DNAH3: variants seen among roughly 807,000 people sequenced by gnomAD.
The protein encoded by DNAH3 is dynein axonemal heavy chain 3.
A neutral mutation model predicts 432.5 loss-of-function variants in DNAH3; 332 were observed. That is an observed-to-expected ratio of 0.77 (90% CI 0.70 to 0.84). DNAH3 has a LOEUF of 0.84. Ranked by LOEUF, DNAH3 falls within the 40% of genes least tolerant of loss-of-function variation. DNAH3 has a pLI of 0.00. For synonymous variants in DNAH3, 1,956 were observed against 1,900.2 expected, an observed-to-expected ratio of 1.03 and a Z score of -0.76; for missense variants, 4,861 against 5,114.0, an observed-to-expected ratio of 0.95 and a Z score of 1.51.
chr16:21,117,164 A>T, intron 12 of DNAH3, 39 bp downstream of exon 12: 1 of 1,435,382 alleles, frequency 7.0e-7, no homozygotes, highest in South Asian at 1.2e-5. Flanking sequence ...AATCAATCCC[A>T]AAAAGCTACA....
chr16:20,944,643 C>T (rs146213977), exon 58 of DNAH3: 75 of 1,613,854 alleles, frequency 4.6e-5, no homozygotes, highest in Non-Finnish European at 6.3e-5. Flanking sequence ...TGGGGAGATT[C>T]CTGAGATAGT....
At chr16:21,152,746 C>T (rs1352558674) in intron 1 of DNAH3, among the ~76,000 whole-genome samples, 1 of 152,234 alleles carries the variant, frequency 6.6e-6, no homozygotes, top group African/African-American at 2.4e-5. Flanking sequence ...CCCCGGCCAG[C>T]GGCTGCGGAG....
chr16:20,987,235 A>G (rs2086240724), intron 47 of DNAH3, 70 bp downstream of exon 47: 2 of 1,580,622 alleles, frequency 1.3e-6, no homozygotes, highest in Non-Finnish European at 8.6e-7. Flanking sequence ...GGGAACCTGA[A>G]ATCTGAAAGT....
chr16:20,979,333 A>G, exon 50 of DNAH3: 1 of 1,613,840 alleles, frequency 6.2e-7, no homozygotes, highest in Non-Finnish European at 8.5e-7. Flanking sequence ...TGCTCACCTG[A>G]GAAGCTGCAA....
At chr16:20,985,848 AGTTTTGTTTTGTTTC>A (rs2086166212) in intron 47 of DNAH3, 133 bp from the exon 48 acceptor site, 4 of 933,358 alleles carry the variant, frequency 4.3e-6, no homozygotes, top group African/African-American at 1.7e-5. Context: ...ATGGGTCATC[AGTTTTGTTTTGTTTC>A]GTTTTGTTTT....
chr16:21,036,959 G>A, intron 34 of DNAH3, 111 bp from the exon 35 acceptor site: 1 of 872,560 alleles, frequency 1.1e-6, no homozygotes, highest in Non-Finnish European at 1.7e-6. Flanking sequence ...AAAAATTCCA[G>A]ACCTTATTTT....
intron 2 of DNAH3, 93 bp from the exon 4 acceptor site, chr16:21,145,499 G>T: frequency 9.1e-7 from 1 of 1,104,268 alleles, no homozygotes; most frequent in African/African-American, 1.5e-5. Context: ...AGAGTTCCAA[G>T]TGCCTTATGC....
chr16:21,097,859 A>G (rs2091729446), intron 17 of DNAH3, among the ~76,000 whole-genome samples: 1 of 152,184 alleles, frequency 6.6e-6, no homozygotes, highest in Non-Finnish European at 1.5e-5. Context: ...AAGAATTTTA[A>G]TGGTTATTAA....
chr16:21,127,874 A>G (rs910777018), intron 7 of DNAH3, 62 bp from the exon 9 acceptor site: 1 of 1,596,420 alleles, frequency 6.3e-7, no homozygotes, highest in African/African-American at 1.3e-5. Context: ...ATCCCGCAGG[A>G]CAGGTTCCAA....
chr16:20,969,837 T>G, exon 52 of DNAH3: 3 of 1,614,192 alleles, frequency 1.9e-6, no homozygotes, highest in Non-Finnish European at 2.5e-6. Flanking sequence ...ATCCCTTTCA[T>G]GATGCAGATG....
chr16:21,060,306 A>G (rs770429801), exon 26 of DNAH3: 38 of 1,613,896 alleles, frequency 2.4e-5, no homozygotes, highest in Non-Finnish European at 3.1e-5. Context: ...CTTCTCGCAT[A>G]CTGGCCAGCA....
At chr16:21,005,302 C>T (rs1431747342) in intron 41 of DNAH3, among the ~76,000 whole-genome samples, 1 of 146,840 alleles carries the variant, frequency 6.8e-6, no homozygotes, top group Non-Finnish European at 1.5e-5. Context: ...TTCCCTCCTT[C>T]CCTCCTTCCC....
exon 49 of DNAH3, chr16:20,982,753 C>T: frequency 6.2e-7 from 1 of 1,614,172 alleles, no homozygotes; most frequent in Non-Finnish European, 8.5e-7. Context: ...GCTCCACATC[C>T]TCTAGAAATT....
At chr16:20,945,481 T>C (rs1345609518) in intron 57 of DNAH3, among the ~76,000 whole-genome samples, 1 of 151,560 alleles carries the variant, frequency 6.6e-6, no homozygotes, top group Non-Finnish European at 1.5e-5. Flanking sequence ...GAAGTAGCCA[T>C]TCTTTATTCC....
chr16:21,153,612 C>G (rs951347330), intron 1 of DNAH3, among the ~76,000 whole-genome samples: 1 of 152,136 alleles, frequency 6.6e-6, no homozygotes, highest in Non-Finnish European at 1.5e-5. Flanking sequence ...GGGTTCATGC[C>G]GCCTTAATAG....
At chr16:21,007,276 C>G (rs949921290) in intron 41 of DNAH3, among the ~76,000 whole-genome samples, 71 of 142,608 alleles carry the variant, frequency 5.0e-4, no homozygotes, top group African/African-American at 1.7e-3. Context: ...GTGGTATGAT[C>G]TTGGCCACTG....
exon 53 of DNAH3, chr16:20,964,429 A>G (rs1225055854): frequency 6.2e-7 from 1 of 1,613,854 alleles, no homozygotes; most frequent in Admixed American, 1.7e-5. Context: ...CATGTACTCA[A>G]CTCCTTGCTG....
Position 21,063,403 on chromosome 16 carries a change from T to C in DNAH3, c.3519-720A>G, listed in dbSNP as rs2090432848. Among the ~76,000 whole-genome samples, 3 of 152,224 alleles carry C rather than the reference T, an allele frequency of 2.0e-5. No homozygotes were observed. In the South Asian group the frequency reaches 6.2e-4, roughly 32 times the overall value. On this transcript the variant is annotated intron_variant, in intron 24 of 61. Transcript: ENST00000261383. ...GTGCAAGAACATTGTATAGGCATGA[T>C]ACAAGAAAGTAAATGTTAATAATGA...
intron 41 of DNAH3, among the ~76,000 whole-genome samples, chr16:21,006,865 G>A (rs1417514336): frequency 1.3e-5 from 2 of 151,942 alleles, no homozygotes; most frequent in Non-Finnish European, 2.9e-5. Flanking sequence ...TTGTAGAGAC[G>A]GGGTTTTTGC....
Sources: allele counts gnomAD v4.1 joint callset (sites outside exome capture counted in the v4.1 genomes callset), GRCh38; gene constraint gnomAD v4.1.1; transcripts MANE v1.5; gene names NCBI Gene and HGNC (gene_info 2026-07-23, HGNC 2026-07-21).